The following KLHDC2 variants were observed in gnomAD, a reference collection of about 807,000 sequenced individuals.
The protein encoded by KLHDC2 is kelch domain containing 2, also known as kelch domain-containing protein 2.
KLHDC2 carries 38 observed loss-of-function variants against 62.3 expected under a neutral mutation model. The observed-to-expected ratio is 0.61, with a 90% CI of 0.47 to 0.80. KLHDC2 has a LOEUF of 0.80. Ranked by LOEUF, KLHDC2 falls within the 30% of genes least tolerant of loss-of-function variation. The probability of loss-of-function intolerance (pLI) is 0.00; values close to 1 mark genes in which losing one functional copy is unlikely to be tolerated. For missense variants in KLHDC2, 430 were observed against 495.3 expected (o/e 0.87, Z 1.25); for synonymous variants, 159 against 161.0 (o/e 0.99, Z 0.09).
rs528614772 is a variant in KLHDC2 at position 49,774,563 on chromosome 14, A to G, written c.236A>G (p.Lys79Arg). 3.1e-6 allele frequency: 5 copies of G among 1,605,856 alleles called. No individual in the cohort carries two copies. Among genetic ancestry groups the G allele is most frequent in the Non-Finnish European group, 4.3e-6 (5 of 1,172,570 alleles). ...ACATTTAATTTATTCCCCCTCAGGA[A>G]AAAAATCAACACTGAAGGTGATGTT... ...WIYNMETGRW[K>R]KINTEGDVPP... Residue 79 changes from lysine (K) to arginine (R), a missense_variant and splice_region_variant, in exon 3 of 13, where the codon AAA becomes AGA. Transcript: ENST00000298307.
intron 6 of KLHDC2, 57 bp downstream of exon 6, chr14:49,778,551 T>A (rs997931299): frequency 4.0e-5 from 4 of 98,858 alleles, no homozygotes; most frequent in African/African-American, 1.1e-4. Context: ...TGGGGAGGGG[T>A]GGGGTAGGGG....
At chr14:49,770,189 C>T (rs1283629509) in intron 1 of KLHDC2, among the ~76,000 whole-genome samples, 2 of 151,968 alleles carry the variant, frequency 1.3e-5, no homozygotes, top group Admixed American at 6.6e-5. Context: ...TGATTGGGGC[C>T]GATTCAGGGA....
chr14:49,769,642 A>C (rs1002600944), intron 1 of KLHDC2, among the ~76,000 whole-genome samples: 1 of 152,156 alleles, frequency 6.6e-6, no homozygotes, highest in African/African-American at 2.4e-5. Flanking sequence ...ATGTGGTTAG[A>C]AAATAGAAAG....
chr14:49,769,048 A>G lies in KLHDC2; in HGVS notation c.153+427A>G, dbSNP rs184750973. ...CCTCTGGAGCTGGGAACCGCTGCCC[A>G]CTTACAGGGAGGCCGAGGTGTAGGA... On this transcript the variant is annotated intron_variant, in intron 1 of 12. Transcript: ENST00000298307. 5.3e-4 allele frequency: 85 copies of G among 159,048 alleles called. 1 individual carries two copies. In the East Asian group the frequency reaches 0.013, roughly 24 times the overall value. The allele number at this position is 159,048 out of a possible 1,614,324, so 9.9% of individuals were successfully genotyped here.
Position 49,780,747 on chromosome 14 carries a change from T to G in KLHDC2, c.928T>G (p.Phe310Val), listed in dbSNP as rs758368102. Reference sequence around the variant, plus strand: ...CATCAGTAAAAATGAATGGATACAATTTAATCATCCATATACCGAAAAACC... The same window carrying G: ...CATCAGTAAAAATGAATGGATACAAGTTAATCATCCATATACCGAAAAACC... ...YCISKNEWIQ[F>V]NHPYTEKPRL... Residue 310 changes from phenylalanine (F) to valine (V), a missense_variant, in exon 10 of 13, where the codon TTT becomes GTT. By Grantham distance (50) the Phe-to-Val change is conservative. Coordinates refer to ENST00000298307, the MANE Select transcript of KLHDC2 (RefSeq NM_014315.3). 6.2e-7 allele frequency: 1 copy of G among 1,606,116 alleles called. No homozygotes were observed. Among genetic ancestry groups the G allele is most frequent in the Non-Finnish European group, 8.5e-7 (1 of 1,172,698 alleles).
intron 2 of KLHDC2, among the ~76,000 whole-genome samples, chr14:49,773,526 C>T (rs1889707338): frequency 6.7e-6 from 1 of 150,344 alleles, no homozygotes. Flanking sequence ...TCAAGACCAG[C>T]CTGAGCAATA....
rs1890118268 is a variant in KLHDC2, at chr14:49,785,342, T to A, written c.*2389T>A. 6.4e-7 allele frequency: 1 copy of A among 1,553,624 alleles called. No individual in the cohort carries two copies. The highest frequency in any genetic ancestry group is 8.9e-7 in the Non-Finnish European group (1 of 1,125,174). The stretch of plus-strand genomic sequence containing the variant: ...TTTCCTAAAAAGGGAAAATAACAGT[T>A]ACAAAGGCAATTTATACCGCCCTTT... On this transcript the variant is annotated 3_prime_UTR_variant, in exon 13 of 13. Transcript: ENST00000298307.
Position 49,785,013 on chromosome 14 carries a change from AC to A in KLHDC2, c.*2061del, listed in dbSNP as rs746183212. 1.2e-6 allele frequency: 2 copies of A among 1,612,346 alleles called. No individual in the cohort carries two copies. Among genetic ancestry groups the A allele is most frequent in the Non-Finnish European group, 1.7e-6 (2 of 1,178,498 alleles). Reference sequence around the variant, plus strand: ...CAAGGCTGTTTTTGCAGCTGTAAATACAAAAAAGAGTAAGAATAATCTACTG... The same window carrying A: ...CAAGGCTGTTTTTGCAGCTGTAAATAAAAAAAGAGTAAGAATAATCTACTG... On this transcript the variant is annotated 3_prime_UTR_variant, in exon 13 of 13. Coordinates refer to ENST00000298307, the MANE Select transcript of KLHDC2 (RefSeq NM_014315.3).
At chr14:49,769,731 G>T (rs1384156501) in intron 1 of KLHDC2, among the ~76,000 whole-genome samples, 1 of 145,438 alleles carries the variant, frequency 6.9e-6, no homozygotes, top group Non-Finnish European at 1.5e-5. Context: ...GAAGTCAGGA[G>T]CTCGAGACCA....
At chr14:49,778,306 A>AT in intron 5 of KLHDC2, 47 bp downstream of exon 5, 1 of 1,380,290 alleles carries the variant, frequency 7.2e-7, no homozygotes, top group Non-Finnish European at 1.0e-6. Context: ...GTATGTTGAA[A>AT]TAATACATTT....
In KLHDC2 at chr14:49,782,562, A is replaced by T. The variant is rs879431048; in HGVS notation, c.1065A>T (p.Leu355=). 1.4e-5 allele frequency: 23 copies of T among 1,607,054 alleles called. No individual in the cohort carries two copies. Among genetic ancestry groups the T allele is most frequent in the Non-Finnish European group, 1.8e-5 (21 of 1,175,536 alleles). ...TTCAGGCACACAGTAATGAAATACT[A>T]ATATTTTCAGTTCAACCAAAATCTC... ...HHRAAHSNEI[L]IFSVQPKSLV... The change falls in exon 12 of 13, where the codon CTA becomes CTT. Residue 355 remains leucine (L), a synonymous_variant. Coordinates refer to ENST00000298307, the MANE Select transcript of KLHDC2 (RefSeq NM_014315.3).
At chr14:49,780,819 G>C in intron 10 of KLHDC2, 44 bp downstream of exon 10, 2 of 1,064,228 alleles carry the variant, frequency 1.9e-6, no homozygotes, top group Non-Finnish European at 2.9e-6. Context: ...TAAGACATAA[G>C]AATTGAGGTT....
chr14:49,776,441 A>G (rs1242722728), intron 3 of KLHDC2, among the ~76,000 whole-genome samples: 1 of 152,198 alleles, frequency 6.6e-6, no homozygotes, highest in Non-Finnish European at 1.5e-5. Context: ...CCTTTAAAGG[A>G]AAGATGAATA....
chr14:49,771,670 G>C lies in KLHDC2; in HGVS notation c.230G>C (p.Arg77Thr). The change falls in exon 2 of 13, where the codon AGA becomes ACA. Residue 77 changes from arginine (R) to threonine (T), a missense_variant. Transcript: ENST00000298307. ...TGGATCTACAACATGGAGACTGGAA[G>C]ATGGTAAATGTGGATATTATAAGGG... ...ELWIYNMETG[R>T]WKKINTEGDV... 1 of 1,461,842 alleles carries C rather than the reference G, an allele frequency of 6.8e-7. No homozygotes were observed. The highest frequency in any genetic ancestry group is 9.6e-7 in the Non-Finnish European group (1 of 1,041,504). The allele number at this position is 1,461,842 out of a possible 1,614,324, so 90.6% of individuals were successfully genotyped here.
chr14:49,784,644 T>G lies in KLHDC2; in HGVS notation c.*1691T>G. 1 of 1,606,656 alleles carries G rather than the reference T, an allele frequency of 6.2e-7. No homozygotes were observed. On this transcript the variant is annotated 3_prime_UTR_variant, in exon 13 of 13. Transcript: ENST00000298307. The stretch of plus-strand genomic sequence containing the variant: ...TTAGAATTTCATTTCAGCTATTTCC[T>G]TTTTACGTTCAGAAGATTGGGTGCA...
At position 49,784,824 on chromosome 14, in the gene KLHDC2, C is replaced by G; in HGVS notation, c.*1871C>G. 2.1e-6 allele frequency: 3 copies of G among 1,400,496 alleles called. No homozygotes were observed. Among genetic ancestry groups the G allele is most frequent in the Non-Finnish European group, 3.0e-6 (3 of 997,264 alleles). The allele number at this position is 1,400,496 out of a possible 1,614,324, so 86.8% of individuals were successfully genotyped here. A position where few individuals can be genotyped will look rare whatever the true frequency, so the allele number is the denominator to read the frequency against. On this transcript the variant is annotated 3_prime_UTR_variant, in exon 13 of 13. Coordinates refer to ENST00000298307, the MANE Select transcript of KLHDC2 (RefSeq NM_014315.3). ...ACTTTTAGCTGAGATGGTTTTACTG[C>G]TTCTAATAAGACAGCATTTTCTACT...
At chr14:49,780,133 C>CATATA in intron 8 of KLHDC2, 80 bp from the exon 9 acceptor site, 1 of 891,790 alleles carries the variant, frequency 1.1e-6, no homozygotes, top group Non-Finnish European at 1.8e-6. Context: ...ATAACATGTA[C>CATATA]ATATAAATTT....
chr14:49,771,806 C>G (rs1889670753), intron 2 of KLHDC2, 133 bp downstream of exon 2: 1 of 551,488 alleles, frequency 1.8e-6, no homozygotes, highest in Admixed American at 3.4e-5. Flanking sequence ...AGTTCAACAC[C>G]AGGCTGGGGT....
At chr14:49,769,499 A>G (rs1212867031) in intron 1 of KLHDC2, among the ~76,000 whole-genome samples, 3 of 152,180 alleles carry the variant, frequency 2.0e-5, no homozygotes, top group African/African-American at 7.2e-5. Context: ...GGTACAGCTG[A>G]CTTGATCATA....
Sources: allele counts gnomAD v4.1 joint callset (sites outside exome capture counted in the v4.1 genomes callset), GRCh38; gene constraint gnomAD v4.1.1; transcripts MANE v1.5; gene names NCBI Gene and HGNC (gene_info 2026-07-23, HGNC 2026-07-21).